The following LINGO1 variants were observed in gnomAD, a reference collection of about 807,000 sequenced individuals.
LINGO1 encodes the protein leucine rich repeat and Ig domain containing 1.
Under a neutral mutation model 37.3 loss-of-function variants are expected in LINGO1, and 11 were observed. That is an observed-to-expected ratio of 0.29 (90% CI 0.19 to 0.49). The LOEUF (loss-of-function observed/expected upper bound fraction) is 0.49. LINGO1 is among the 20% of genes least tolerant of loss of function. LINGO1 has a pLI of 0.99. For synonymous variants in LINGO1, 387 were observed against 403.0 expected, an observed-to-expected ratio of 0.96 and a Z score of 0.48; for missense variants, 585 against 878.2, an observed-to-expected ratio of 0.67 and a Z score of 4.22.
intron 3 of LINGO1, among the ~76,000 whole-genome samples, chr15:77,663,589 C>A (rs776962646): frequency 2.6e-5 from 4 of 152,206 alleles, no homozygotes; most frequent in Non-Finnish European, 5.9e-5. Context: ...AAACCCCTTC[C>A]CACCTCTGAG....
In LINGO1 at chr15:77,615,886, C is replaced by T. The variant is rs1235854293; in HGVS notation, c.21G>A (p.Met7Ile). 6.8e-7 allele frequency: 1 copy of T among 1,470,426 alleles called. No individual in the cohort carries two copies. Among genetic ancestry groups the T allele is most frequent in the Non-Finnish European group, 9.0e-7 (1 of 1,116,996 alleles). 91.1% of individuals were successfully genotyped at this position (1,470,426 alleles called of 1,614,324 possible). A position where few individuals can be genotyped will look rare whatever the true frequency, so the allele number is the denominator to read the frequency against. ...GCATGCTCCTCACGCCCCCCGCCAG[C>T]ATCCTCTTGCTCACCTGCAGCCGGG... MQVSKR[M>I]LAGGVRSMPS... Residue 7 changes from methionine (M) to isoleucine (I), a missense_variant, in exon 2 of 2, where the codon ATG (methionine) becomes ATA (isoleucine). Physicochemically the swap from Met to Ile is conservative, Grantham distance 10 (BLOSUM62 1). This residue lies in a region of LINGO1 where 65 missense variants were observed against 57.0 expected (regional missense o/e 1.14). Coordinates refer to ENST00000355300, the MANE Select transcript of LINGO1 (RefSeq NM_032808.7).
At chr15:77,681,396 T>C (rs1033416131) in intron 2 of LINGO1, among the ~76,000 whole-genome samples, 2 of 151,670 alleles carry the variant, frequency 1.3e-5, no homozygotes, top group Non-Finnish European at 2.9e-5. Context: ...TACAGTGGAG[T>C]TGGCTGGGCT....
chr15:77,659,860 G>T (rs2074949856), intron 3 of LINGO1, among the ~76,000 whole-genome samples: 1 of 151,794 alleles, frequency 6.6e-6, no homozygotes, highest in South Asian at 2.1e-4. Flanking sequence ...GGTGGGGTGG[G>T]GTGGGGCCAG....
At position 77,632,174 on chromosome 15, in the gene LINGO1, T is replaced by C. The variant is rs1055553169; in HGVS notation, c.6+136A>G. 8.3e-6 allele frequency: 7 copies of C among 838,736 alleles called. No homozygotes were observed. The African/African-American group carries it at 1.2e-4, about 15-fold the overall frequency. The allele number at this position is 838,736 out of a possible 1,614,324, so 52.0% of individuals were successfully genotyped here. On this transcript the variant is annotated intron_variant, in intron 1 of 1. Coordinates refer to ENST00000355300, the MANE Select transcript of LINGO1 (RefSeq NM_032808.7). This position sits in a 1 kb window ranked among gnomAD's most constrained non-coding sequence, Gnocchi z 6.0. ...GAGGCTTGAGGGGAAATCAGGCCTA[T>C]GACCCCAAAGGAGGTCTGGGTGGCA...
intron 1 of LINGO1, 132 bp from the exon 2 acceptor site, chr15:77,616,032 A>G: frequency 1.7e-6 from 1 of 603,346 alleles, no homozygotes; most frequent in South Asian, 3.5e-5. Context: ...GGCAGGGTCC[A>G]GATGCCCAGG....
At chr15:77,698,798 T>C (rs978744119), upstream of LINGO1, among the ~76,000 whole-genome samples, 1 of 151,422 alleles carries the variant, frequency 6.6e-6, no homozygotes, top group Non-Finnish European at 1.5e-5. Flanking sequence ...GTGAGAAGGG[T>C]CGGGTGGGCA....
intron 2 of LINGO1, among the ~76,000 whole-genome samples, chr15:77,710,602 C>T (rs991348452): frequency 1.3e-5 from 2 of 152,234 alleles, no homozygotes; most frequent in Admixed American, 6.5e-5. Flanking sequence ...TGGATTTCTG[C>T]TGGGCGTCTC....
At chr15:77,616,625 C>A (rs554147464) in intron 1 of LINGO1, among the ~76,000 whole-genome samples, 77 of 152,174 alleles carry the variant, frequency 5.1e-4, no homozygotes, top group African/African-American at 1.8e-3. Flanking sequence ...CTCCCTCCTC[C>A]CCCTGCACCT....
chr15:77,632,180 C>T lies in LINGO1; in HGVS notation c.6+130G>A. The T allele has an allele frequency of 1.1e-6, 1 of 939,828 alleles. No homozygotes were observed. The allele number at this position is 939,828 out of a possible 1,614,324, so 58.2% of individuals were successfully genotyped here. ...TGAGGGGAAATCAGGCCTATGACCC[C>T]AAAGGAGGTCTGGGTGGCACCGAGG... On this transcript the variant is annotated intron_variant, in intron 1 of 1. Coordinates refer to ENST00000355300, the MANE Select transcript of LINGO1 (RefSeq NM_032808.7). This position sits in a 1 kb window ranked among gnomAD's most constrained non-coding sequence, Gnocchi z 6.0.
chr15:77,625,749 C>T (rs980231178), intron 1 of LINGO1, among the ~76,000 whole-genome samples: 2 of 152,198 alleles, frequency 1.3e-5, no homozygotes, highest in East Asian at 3.9e-4. Context: ...CCTGCCCACT[C>T]CTGCATACTG....
chr15:77,689,420 T>C (rs1444673483), intron 2 of LINGO1, among the ~76,000 whole-genome samples: 1 of 152,174 alleles, frequency 6.6e-6, no homozygotes, highest in East Asian at 1.9e-4. Context: ...CTATGGCCGG[T>C]GCGCTACCCT....
At chr15:77,782,992 C>CT (rs1240254211) in intron 1 of LINGO1, among the ~76,000 whole-genome samples, 1 of 152,166 alleles carries the variant, frequency 6.6e-6, no homozygotes, top group African/African-American at 2.4e-5. Context: ...ACCAGCCACA[C>CT]TGTCTTCCTC....
chr15:77,693,799 G>C (rs1363344016), intron 1 of LINGO1, among the ~76,000 whole-genome samples: 1 of 152,126 alleles, frequency 6.6e-6, no homozygotes, highest in Non-Finnish European at 1.5e-5. Flanking sequence ...TGAGGGGGTG[G>C]AGGTAAGAAA....
intron 2 of LINGO1, among the ~76,000 whole-genome samples, chr15:77,687,960 G>C (rs1400084083): frequency 1.3e-5 from 2 of 152,126 alleles, no homozygotes; most frequent in South Asian, 2.1e-4. Context: ...TTATCCTTGC[G>C]GACAGGCTCA....
chr15:77,670,744 G>A (rs575446913), intron 3 of LINGO1, among the ~76,000 whole-genome samples: 1 of 152,370 alleles, frequency 6.6e-6, no homozygotes, highest in Admixed American at 6.5e-5. Context: ...CAGACTCGGT[G>A]CAGCAGGACC....
intron 1 of LINGO1, among the ~76,000 whole-genome samples, chr15:77,749,762 A>T (rs2076352370): frequency 6.6e-6 from 1 of 152,180 alleles, no homozygotes; most frequent in African/African-American, 2.4e-5. Context: ...GAAGTCAGTT[A>T]TTGGCCATAG....
Position 77,764,613 on chromosome 15 carries a change from G to A in LINGO1, c.-257+22256C>T, listed in dbSNP as rs1374834334. On this transcript the variant is annotated intron_variant, in intron 1 of 3. Coordinates refer to the LINGO1 transcript ENST00000561686. ...GCTTGCTGAAGCTCAGCAGAGTTCC[G>A]AGAAATGCCACAATCCTTCACTCAT... Among the ~76,000 whole-genome samples, 41 of 152,188 alleles carry A rather than the reference G, an allele frequency of 2.7e-4. 1 individual carries two copies. Among genetic ancestry groups the A allele is most frequent in the Admixed American group, 2.7e-3 (41 of 15,278 alleles).
At chr15:77,786,313 G>T (rs894134779) in intron 1 of LINGO1, among the ~76,000 whole-genome samples, 2 of 151,940 alleles carry the variant, frequency 1.3e-5, no homozygotes, top group African/African-American at 4.8e-5. Context: ...CCCAGTAAGT[G>T]GCAGGGCTGG....
chr15:77,704,772 A>T (rs1223744827), intron 2 of LINGO1, among the ~76,000 whole-genome samples: 1 of 152,172 alleles, frequency 6.6e-6, no homozygotes, highest in Non-Finnish European at 1.5e-5. Context: ...ATGGTCACAC[A>T]GTGCAAGCCC....
Sources: gnomAD v4.1 joint callset for allele counts (sites outside exome capture counted in the v4.1 genomes callset) on GRCh38, gnomAD v4.1.1 for gene constraint, gnomAD v4.1.1 regional missense constraint, Gnocchi (gnomAD v3.1) non-coding constraint, MANE v1.5 for transcripts, NCBI Gene and HGNC (gene_info 2026-07-23, HGNC 2026-07-21) for gene names.